Variants in ANK2 observed in about 807,000 individuals in gnomAD.
ANK2 encodes the protein ankyrin 2.
ANK2 carries 83 observed loss-of-function variants against 360.5 expected under a neutral mutation model. The observed-to-expected ratio is 0.23, with a 90% CI of 0.19 to 0.28. The LOEUF is 0.28. Ranked by LOEUF, ANK2 falls within the 10% of genes least tolerant of loss-of-function variation. The pLI is 1.00. For missense variants in ANK2, 4,201 were observed against 4,795.7 expected (o/e 0.88, Z 3.66); for synonymous variants, 1,740 against 1,759.5 (o/e 0.99, Z 0.28).
At chr4:112,945,927 A>G (rs1335785192) in intron 2 of ANK2, among the ~76,000 whole-genome samples, 2 of 152,306 alleles carry the variant, frequency 1.3e-5, no homozygotes, top group East Asian at 3.9e-4. Flanking sequence ...CAAGACTGGC[A>G]CAGAGAAATA....
At chr4:113,001,644 G>A (rs1047964193) in intron 2 of ANK2, among the ~76,000 whole-genome samples, 1 of 152,114 alleles carries the variant, frequency 6.6e-6, no homozygotes, top group East Asian at 1.9e-4. Flanking sequence ...TTTGGATTCT[G>A]GGAGCCCACC....
At chr4:112,862,224 A>C (rs1176764877) in intron 1 of ANK2, among the ~76,000 whole-genome samples, 1 of 152,240 alleles carries the variant, frequency 6.6e-6, no homozygotes, top group Non-Finnish European at 1.5e-5. Context: ...CAATTTTAAA[A>C]ATAGGAAGGA....
At chr4:112,747,379 C>T in the ANK2 span, among the ~76,000 whole-genome samples, 3 of 152,186 alleles carry the variant, frequency 2.0e-5, no homozygotes, top group South Asian at 2.1e-4. Context: ...AGCCTTGTCA[C>T]GGGACTTTAA....
chr4:113,029,699 G>T (rs771001076), intron 2 of ANK2, among the ~76,000 whole-genome samples: 1 of 151,940 alleles, frequency 6.6e-6, no homozygotes, highest in South Asian at 2.1e-4. Context: ...GAGAGAGCCC[G>T]ACCTATTCGT....
At chr4:112,770,121 C>A in the ANK2 span, among the ~76,000 whole-genome samples, 1 of 152,180 alleles carries the variant, frequency 6.6e-6, no homozygotes, top group African/African-American at 2.4e-5. Context: ...TGGATTAGTA[C>A]AATAGCCTTT....
intron 1 of ANK2, among the ~76,000 whole-genome samples, chr4:113,167,288 C>T (rs571827733): frequency 2.7e-5 from 4 of 149,850 alleles, no homozygotes; most frequent in Admixed American, 6.7e-5. Context: ...ACTCTGTTGC[C>T]TAAACTAGGG....
At chr4:112,765,428 T>C in the ANK2 span, among the ~76,000 whole-genome samples, 2 of 152,174 alleles carry the variant, frequency 1.3e-5, no homozygotes, top group African/African-American at 4.8e-5. Context: ...CTGCAGAACG[T>C]CCCCTTTTGA....
chr4:113,259,967 C>A (rs995158871), intron 13 of ANK2, among the ~76,000 whole-genome samples: 2 of 152,088 alleles, frequency 1.3e-5, no homozygotes, highest in African/African-American at 4.8e-5. Flanking sequence ...TTTTTATCTC[C>A]ACCTATTCTT....
chr4:112,808,061 T>G, the ANK2 span, among the ~76,000 whole-genome samples: 1 of 152,192 alleles, frequency 6.6e-6, no homozygotes, highest in African/African-American at 2.4e-5. Context: ...AGTGAGAAAG[T>G]TCTAGTGATT....
At chr4:112,820,029 G>C (rs1246369805) in intron 1 of ANK2, among the ~76,000 whole-genome samples, 1 of 152,216 alleles carries the variant, frequency 6.6e-6, no homozygotes, top group Non-Finnish European at 1.5e-5. Context: ...GAAGAGGCCT[G>C]ATTTCTCTGC....
At chr4:112,831,771 A>C (rs572450295) in intron 1 of ANK2, among the ~76,000 whole-genome samples, 5 of 152,318 alleles carry the variant, frequency 3.3e-5, no homozygotes, top group South Asian at 2.1e-4. Context: ...TGTAACAGTC[A>C]CTGTGAAGGT....
chr4:113,231,366 T>C lies in ANK2; in HGVS notation c.385-795T>C, dbSNP rs115480740. ...CACACCCAGCCAAGACTTTTACATT[T>C]TCAATCAAATTTGTAGTCTCTCCTA... is the stretch of plus-strand genomic sequence containing the variant. On this transcript the variant is annotated intron_variant, in intron 4 of 45. Coordinates refer to ENST00000357077, the MANE Select transcript of ANK2 (RefSeq NM_001148.6). 7.7e-3 allele frequency among the ~76,000 whole-genome samples: 1,172 copies of C among 152,250 alleles called. 7 individuals are homozygous for C. The highest frequency in any genetic ancestry group is 0.013 in the Non-Finnish European group (894 of 68,012).
chr4:113,363,546 A>G, intron 40 of ANK2, 77 bp downstream of exon 40: 1 of 1,538,634 alleles, frequency 6.5e-7, no homozygotes, highest in South Asian at 1.1e-5. Context: ...CAAATTCAGT[A>G]GAATAGTAAA....
the ANK2 span, among the ~76,000 whole-genome samples, chr4:112,743,355 T>A: frequency 6.6e-6 from 1 of 152,162 alleles, no homozygotes; most frequent in Non-Finnish European, 1.5e-5. Flanking sequence ...ATGTTAAAAT[T>A]CGAGACCATT....
At chr4:112,812,006 C>T in the ANK2 span, among the ~76,000 whole-genome samples, 3 of 131,154 alleles carry the variant, frequency 2.3e-5, no homozygotes, top group African/African-American at 8.7e-5. Flanking sequence ...ACCCGGGAGG[C>T]GGAGGTTGCA....
chr4:112,839,268 G>T (rs545269459), intron 1 of ANK2, among the ~76,000 whole-genome samples: 2 of 152,152 alleles, frequency 1.3e-5, no homozygotes, highest in African/African-American at 4.8e-5. Flanking sequence ...GAAAGGTTAA[G>T]TGATTTGAAA....
intron 1 of ANK2, among the ~76,000 whole-genome samples, chr4:113,087,659 GGAAT>G (rs1417381705): frequency 1.3e-4 from 19 of 151,998 alleles, no homozygotes; most frequent in African/African-American, 4.6e-4. Flanking sequence ...CTTTGAGGAA[GGAAT>G]CAAGACCTTG....
chr4:113,271,930 G>A (rs2058687107), intron 14 of ANK2, among the ~76,000 whole-genome samples: 1 of 152,152 alleles, frequency 6.6e-6, no homozygotes, highest in Admixed American at 6.6e-5. Context: ...TTACTGAGAA[G>A]GCCACCAGAG....
intron 1 of ANK2, among the ~76,000 whole-genome samples, chr4:113,157,338 T>A (rs1181710543): frequency 6.6e-6 from 1 of 152,230 alleles, no homozygotes; most frequent in African/African-American, 2.4e-5. Flanking sequence ...ACAGTCTACG[T>A]GCTGTTATAG....
Sources: allele counts gnomAD v4.1 joint callset (sites outside exome capture counted in the v4.1 genomes callset), GRCh38; gene constraint gnomAD v4.1.1; transcripts MANE v1.5; gene names NCBI Gene and HGNC (gene_info 2026-07-23, HGNC 2026-07-21).